SHB: variants seen among roughly 807,000 people sequenced by gnomAD.
SHB encodes SH2 domain containing adaptor protein B.
In SHB, 20 loss-of-function variants were observed where a neutral mutation model predicts 52.3. The observed-to-expected ratio is 0.38, with a 90% CI of 0.27 to 0.56. The LOEUF (loss-of-function observed/expected upper bound fraction) is 0.56, where lower values mean the gene tolerates loss of function less well. Among genes scored for constraint, SHB ranks in the 20% least tolerant of loss-of-function variants. The pLI, the probability that SHB is intolerant of heterozygous loss-of-function variation, is 0.71. For missense variants in SHB, 825 were observed against 723.3 expected (o/e 1.14, Z -1.61); for synonymous variants, 397 against 316.5 (o/e 1.25, Z -2.70).
chr9:38,003,617 A>G (rs901674863), intron 2 of SHB, among the ~76,000 whole-genome samples: 2 of 152,134 alleles, frequency 1.3e-5, no homozygotes, highest in African/African-American at 2.4e-5. Context: ...TTCTCCACGA[A>G]GACCCTCCAG....
intron 3 of SHB, among the ~76,000 whole-genome samples, chr9:37,961,731 A>C (rs767602841): frequency 6.6e-6 from 1 of 152,218 alleles, no homozygotes; most frequent in African/African-American, 2.4e-5. Context: ...CTCAGCTCCA[A>C]CGTTATCTCC....
At position 38,067,918 on chromosome 9, in the gene SHB, G is replaced by A. The variant is rs1338632243; in HGVS notation, c.717+11C>T. On this transcript the variant is annotated intron_variant, in intron 1 of 5. Coordinates refer to ENST00000377707, the MANE Select transcript of SHB (RefSeq NM_003028.3). Reference sequence around the variant, plus strand: ...TCTGGAACCTCGGGAAGAGGCCAAGGGGCACCTTACCTTGTCCTTCTTGCC... The same window carrying A: ...TCTGGAACCTCGGGAAGAGGCCAAGAGGCACCTTACCTTGTCCTTCTTGCC... 4.0e-6 allele frequency: 6 copies of A among 1,495,880 alleles called. No homozygotes were observed. The highest frequency in any genetic ancestry group is 1.3e-5 in the South Asian group (1 of 77,686). The allele number at this position is 1,495,880 out of a possible 1,614,324, so 92.7% of individuals were successfully genotyped here. A position where few individuals can be genotyped will look rare whatever the true frequency, so the allele number is the denominator to read the frequency against.
chr9:37,981,856 A>G (rs1820730981), intron 2 of SHB, among the ~76,000 whole-genome samples: 1 of 152,206 alleles, frequency 6.6e-6, no homozygotes, highest in African/African-American at 2.4e-5. Context: ...CAGAACACAC[A>G]TAACATTTAT....
intron 2 of SHB, among the ~76,000 whole-genome samples, chr9:38,013,781 C>T (rs1170662282): frequency 6.6e-6 from 1 of 152,142 alleles, no homozygotes; most frequent in African/African-American, 2.4e-5. Context: ...CCTTCCATTC[C>T]CGAGTGTGGA....
At chr9:37,939,856 C>T (rs1452160395) in intron 5 of SHB, among the ~76,000 whole-genome samples, 1 of 152,234 alleles carries the variant, frequency 6.6e-6, no homozygotes, top group African/African-American at 2.4e-5. Flanking sequence ...CATACTATCA[C>T]AGTGTGAAAG....
Position 38,068,383 on chromosome 9 carries a change from T to C in SHB, c.263A>G (p.Lys88Arg), listed in dbSNP as rs1314989845. The change falls in exon 1 of 6, where the codon AAG (lysine) becomes AGG (arginine). Residue 88 changes from lysine (K) to arginine (R), a missense_variant. By Grantham distance (26) the Lys-to-Arg change is conservative. Transcript: ENST00000377707. ...SDLIRAYRAQ[K>R]ERDFEDPYNG... ...GTAGGGGTCCTCGAAGTCTCGCTCC[T>C]TCTGCGCGCGGTAGGCGCGGATGAG... 3 of 1,576,294 alleles carry C rather than the reference T, an allele frequency of 1.9e-6. No homozygotes were observed. The highest frequency in any genetic ancestry group is 2.8e-5 in the African/African-American group (2 of 71,446).
intron 1 of SHB, among the ~76,000 whole-genome samples, chr9:38,063,929 T>C (rs986323738): frequency 1.3e-5 from 2 of 152,018 alleles, no homozygotes; most frequent in Admixed American, 1.3e-4. Context: ...ATTTAAAACC[T>C]GGGAAAACTG....
intron 1 of SHB, among the ~76,000 whole-genome samples, chr9:38,023,735 A>T (rs1236454340): frequency 1.3e-5 from 2 of 152,182 alleles, no homozygotes; most frequent in Non-Finnish European, 2.9e-5. Context: ...AGAACCTCTC[A>T]TAACTCTCGA....
chr9:38,068,755 C>T lies in SHB; in HGVS notation c.-110G>A. The T allele has an allele frequency of 1.4e-5, 5 of 358,068 alleles. No individual in the cohort carries two copies. The highest frequency in any genetic ancestry group is 2.0e-5 in the Non-Finnish European group (5 of 250,710). The allele number at this position is 358,068 out of a possible 1,614,324, so 22.2% of individuals were successfully genotyped here. On this transcript the variant is annotated 5_prime_UTR_variant, in exon 1 of 6. Coordinates refer to ENST00000377707, the MANE Select transcript of SHB (RefSeq NM_003028.3). ...TCGGCGCCCCGGCCCCGGCGGGGGGCGTCCGGGGCGCCCGCTCCCGACGCC... is the reference window on the plus strand; with the variant it reads ...TCGGCGCCCCGGCCCCGGCGGGGGGTGTCCGGGGCGCCCGCTCCCGACGCC...
chr9:37,981,290 A>T (rs1275649910), intron 2 of SHB, among the ~76,000 whole-genome samples: 1 of 152,232 alleles, frequency 6.6e-6, no homozygotes, highest in East Asian at 1.9e-4. Context: ...CAGTTTCTAC[A>T]TCAGCACTTG....
At chr9:38,040,525 C>A (rs2118139063) in intron 1 of SHB, among the ~76,000 whole-genome samples, 1 of 152,336 alleles carries the variant, frequency 6.6e-6, no homozygotes, top group Middle Eastern at 3.4e-3. Context: ...CTACCCCTGT[C>A]CCCAGCCACT....
At chr9:37,978,557 A>G (rs946018062) in intron 2 of SHB, among the ~76,000 whole-genome samples, 23 of 152,370 alleles carry the variant, frequency 1.5e-4, no homozygotes, top group South Asian at 6.2e-4. Flanking sequence ...AAAATGCAAG[A>G]TTGTTTATGT....
chr9:38,023,388 T>C (rs17439745), intron 1 of SHB, among the ~76,000 whole-genome samples: 2,166 of 152,216 alleles, frequency 0.014, 24 homozygotes, highest in South Asian at 0.031. Context: ...TCCAAGGATG[T>C]GTCAGTAATT....
At chr9:37,945,149 G>A (rs182001964) in intron 5 of SHB, among the ~76,000 whole-genome samples, 3 of 152,344 alleles carry the variant, frequency 2.0e-5, no homozygotes, top group Admixed American at 2.0e-4. Flanking sequence ...AAACTCACAT[G>A]AAAATGGCCA....
chr9:37,986,595 A>G (rs1820809291), intron 2 of SHB, among the ~76,000 whole-genome samples: 1 of 152,248 alleles, frequency 6.6e-6, no homozygotes, highest in African/African-American at 2.4e-5. Context: ...TGGGCCTTCC[A>G]AACAACTAGG....
chr9:38,006,238 T>G (rs1292952693), intron 2 of SHB, among the ~76,000 whole-genome samples: 1 of 152,148 alleles, frequency 6.6e-6, no homozygotes, highest in Non-Finnish European at 1.5e-5. Flanking sequence ...CCTAGATGAT[T>G]GCTATAGCCT....
chr9:38,023,739 C>T (rs1479549352), intron 1 of SHB, among the ~76,000 whole-genome samples: 1 of 152,180 alleles, frequency 6.6e-6, no homozygotes, highest in African/African-American at 2.4e-5. Context: ...CCTCTCATAA[C>T]TCTCGAGGCA....
intron 1 of SHB, among the ~76,000 whole-genome samples, chr9:38,064,181 T>C (rs957309896): frequency 2.0e-5 from 3 of 151,890 alleles, no homozygotes; most frequent in African/African-American, 7.3e-5. Flanking sequence ...GCTCGGGACC[T>C]CACCGTCTCT....
chr9:37,943,472 A>G (rs1168920254), intron 5 of SHB, among the ~76,000 whole-genome samples: 1 of 152,194 alleles, frequency 6.6e-6, no homozygotes, highest in Non-Finnish European at 1.5e-5. Flanking sequence ...GCATGATGGA[A>G]ACAGGCCAGA....
Sources: gnomAD v4.1 joint callset for allele counts (sites outside exome capture counted in the v4.1 genomes callset) on GRCh38, gnomAD v4.1.1 for gene constraint, MANE v1.5 for transcripts, NCBI Gene and HGNC (gene_info 2026-07-23, HGNC 2026-07-21) for gene names.